Variants in TJP1 observed in about 807,000 individuals in gnomAD.
TJP1 encodes tight junction protein ZO-1.
In TJP1, 43 loss-of-function variants were observed where a neutral mutation model predicts 194.2. The observed-to-expected ratio is 0.22, with a 90% CI of 0.17 to 0.29. TJP1 has a LOEUF of 0.29. Ranked by LOEUF, TJP1 falls within the 10% of genes least tolerant of loss-of-function variation. The probability of loss-of-function intolerance (pLI) is 1.00; values close to 1 mark genes in which losing one functional copy is unlikely to be tolerated. For missense variants in TJP1, 1,971 were observed against 2,185.7 expected, an observed-to-expected ratio of 0.90 and a Z score of 1.96; for synonymous variants, 801 against 779.0, an observed-to-expected ratio of 1.03 and a Z score of -0.47.
At chr15:29,743,246 A>G (rs1341603135) in intron 8 of TJP1, among the ~76,000 whole-genome samples, 1 of 152,244 alleles carries the variant, frequency 6.6e-6, no homozygotes, top group East Asian at 1.9e-4. Context: ...GTATATCAAC[A>G]AAAGTGATTA....
At chr15:29,837,882 T>C (rs1388073317) in intron 2 of TJP1, among the ~76,000 whole-genome samples, 1 of 152,206 alleles carries the variant, frequency 6.6e-6, no homozygotes, top group East Asian at 1.9e-4. Flanking sequence ...CACTGATTCC[T>C]GGTATCAATC....
At chr15:29,835,893 G>C (rs1264853269) in intron 2 of TJP1, among the ~76,000 whole-genome samples, 1 of 151,028 alleles carries the variant, frequency 6.6e-6, no homozygotes, top group African/African-American at 2.5e-5. Flanking sequence ...CGGGGAAAGA[G>C]AGAGAGAGAG....
At chr15:29,894,463 A>T (rs2053413564) in intron 2 of TJP1, among the ~76,000 whole-genome samples, 3 of 152,234 alleles carry the variant, frequency 2.0e-5, no homozygotes, top group Admixed American at 2.0e-4. Flanking sequence ...TGTCTCAAAA[A>T]ATATATATGC....
intron 2 of TJP1, among the ~76,000 whole-genome samples, chr15:29,864,586 G>A (rs1160202169): frequency 6.6e-6 from 1 of 152,152 alleles, no homozygotes; most frequent in African/African-American, 2.4e-5. Flanking sequence ...TCTGGGCCGG[G>A]TTCAACTGCA....
At chr15:29,851,885 T>C (rs2051655151) in intron 2 of TJP1, among the ~76,000 whole-genome samples, 1 of 152,260 alleles carries the variant, frequency 6.6e-6, no homozygotes, top group African/African-American at 2.4e-5. Flanking sequence ...AGTAGAAGGA[T>C]AGCCTTTTGG....
In TJP1 at chr15:29,905,271, C is replaced by T. The variant is rs143600341; in HGVS notation, c.306+50961G>A. Among the ~76,000 whole-genome samples the T allele has an allele frequency of 1.4e-4, 21 of 152,284 alleles. No individual in the cohort carries two copies. The East Asian group carries it at 4.1e-3, about 29-fold the overall frequency. On this transcript the variant is annotated intron_variant, in intron 2 of 28. Coordinates refer to the TJP1 transcript ENST00000356107. Reference sequence around the variant, plus strand: ...CAAATGACCAGATCTTTTGACTCAGCAATTCCAATGTGAGGAGTTTATTCT... The same window carrying T: ...CAAATGACCAGATCTTTTGACTCAGTAATTCCAATGTGAGGAGTTTATTCT...
At chr15:29,719,641 G>T in intron 20 of TJP1, 136 bp downstream of exon 20, 1 of 1,128,640 alleles carries the variant, frequency 8.9e-7, no homozygotes, top group Non-Finnish European at 1.2e-6. Flanking sequence ...GAAATGATTT[G>T]TATTGATTTG....
chr15:29,929,949 GAAC>G (rs1358360799), intron 2 of TJP1, among the ~76,000 whole-genome samples: 1 of 152,006 alleles, frequency 6.6e-6, no homozygotes, highest in East Asian at 1.9e-4. Context: ...AGAATACTAT[GAAC>G]AACTTTATGC....
At chr15:29,797,273 C>T (rs1016143245) in intron 2 of TJP1, among the ~76,000 whole-genome samples, 1 of 152,124 alleles carries the variant, frequency 6.6e-6, no homozygotes, top group African/African-American at 2.4e-5. Context: ...CCTCAGCCTC[C>T]CGAGTAGCTG....
At chr15:29,836,421 C>T (rs1327503687) in intron 2 of TJP1, among the ~76,000 whole-genome samples, 9 of 151,694 alleles carry the variant, frequency 5.9e-5, no homozygotes, top group African/African-American at 1.2e-4. Flanking sequence ...TACAGGCACC[C>T]GCCACCACGC....
chr15:29,924,754 A>C (rs769839894), intron 2 of TJP1, among the ~76,000 whole-genome samples: 1 of 152,142 alleles, frequency 6.6e-6, no homozygotes, highest in South Asian at 2.1e-4. Flanking sequence ...AATCTCAGCC[A>C]TGAGATTCAA....
chr15:29,721,455 C>A (rs1256736953), intron 18 of TJP1, among the ~76,000 whole-genome samples: 1 of 152,098 alleles, frequency 6.6e-6, no homozygotes. Context: ...TTGCCTGAGG[C>A]CTCCCCAGAA....
At chr15:29,956,405 G>A in intron 1 of TJP1, 1 of 1,268,260 alleles carries the variant, frequency 7.9e-7, no homozygotes, top group Non-Finnish European at 1.0e-6. Flanking sequence ...CAGGTTTACA[G>A]GTGAACACAT....
At chr15:29,758,683 A>G (rs1595784088) in intron 8 of TJP1, among the ~76,000 whole-genome samples, 2 of 152,196 alleles carry the variant, frequency 1.3e-5, no homozygotes, top group Non-Finnish European at 2.9e-5. Context: ...GTGAATCATC[A>G]AAGGTGCTAT....
chr15:29,857,020 A>G (rs2152093997), intron 2 of TJP1, among the ~76,000 whole-genome samples: 1 of 152,348 alleles, frequency 6.6e-6, no homozygotes. Context: ...ACCAGAGGGT[A>G]TGTGCAGGTC....
chr15:29,732,354 T>C (rs2043720813), intron 15 of TJP1, 79 bp downstream of exon 15: 1 of 1,227,976 alleles, frequency 8.1e-7, no homozygotes, highest in South Asian at 1.4e-5. Context: ...CTTATTTTTA[T>C]TGAATGAGTG....
chr15:29,820,786 C>A (rs2050277179), intron 1 of TJP1: 1 of 552,912 alleles, frequency 1.8e-6, no homozygotes, highest in South Asian at 2.5e-5. Flanking sequence ...TTAGATTGTT[C>A]TTCCTCAATG....
chr15:29,966,463 T>C (rs573059245), intron 1 of TJP1, among the ~76,000 whole-genome samples: 3 of 152,138 alleles, frequency 2.0e-5, no homozygotes, highest in Admixed American at 6.5e-5. Flanking sequence ...AGATCTGCCA[T>C]TGCACTCCAG....
At position 29,866,678 on chromosome 15, in the gene TJP1, C is replaced by T. The variant is rs569638648; in HGVS notation, c.307-65976G>A. Reference sequence around the variant, plus strand: ...AATGTCACATCAGAAAATAATACCCCGGAATGTCTGGAAAGTATTCTGGTG... The same window carrying T: ...AATGTCACATCAGAAAATAATACCCTGGAATGTCTGGAAAGTATTCTGGTG... On this transcript the variant is annotated intron_variant, in intron 2 of 28. Transcript: ENST00000356107. Among the ~76,000 whole-genome samples, 32 of 152,246 alleles carry T rather than the reference C, an allele frequency of 2.1e-4. No individual in the cohort carries two copies. In the East Asian group the frequency reaches 6.0e-3, roughly 28 times the overall value.
Sources: allele counts gnomAD v4.1 joint callset (sites outside exome capture counted in the v4.1 genomes callset), GRCh38; gene constraint gnomAD v4.1.1; transcripts MANE v1.5; gene names NCBI Gene and HGNC (gene_info 2026-07-23, HGNC 2026-07-21).